OSBPL11: variants seen among roughly 807,000 people sequenced by gnomAD.
The protein encoded by OSBPL11 is oxysterol-binding protein-related protein 11.
In OSBPL11, 33 loss-of-function variants were observed where a neutral mutation model predicts 84.4. The ratio of observed to expected loss-of-function variants is 0.39; its 90% CI spans 0.30 to 0.52. The LOEUF is 0.52. OSBPL11 is among the 20% of genes least tolerant of loss of function. The pLI, the probability that OSBPL11 is intolerant of heterozygous loss-of-function variation, is 0.72. For synonymous variants in OSBPL11, 276 were observed against 310.2 expected (o/e 0.89, Z 1.16); for missense variants, 736 against 901.1 (o/e 0.82, Z 2.35).
intron 1 of OSBPL11, among the ~76,000 whole-genome samples, chr3:125,592,892 TAAAAC>T (rs1180725723): frequency 6.6e-6 from 1 of 151,806 alleles, no homozygotes; most frequent in Non-Finnish European, 1.5e-5. Context: ...ACATAAGCAC[TAAAAC>T]AAAACTCCTA....
chr3:125,594,990 G>A lies in OSBPL11; in HGVS notation c.-190C>T, dbSNP rs1433428188. The A allele has an allele frequency of 1.7e-6, 1 of 586,824 alleles. No homozygotes were observed. The highest frequency in any genetic ancestry group is 3.0e-5 in the Admixed American group (1 of 33,010). 36.4% of individuals were successfully genotyped at this position (586,824 alleles called of 1,614,324 possible). On this transcript the variant is annotated 5_prime_UTR_variant, in exon 1 of 13. Transcript: ENST00000296220. ...ATTCCCACAGAAGTTAAACTTTTGA[G>A]AGGGCAGGGGAAGCAACGAGGACAG...
chr3:125,557,778 C>T (rs1392928322), intron 8 of OSBPL11, among the ~76,000 whole-genome samples: 1 of 145,144 alleles, frequency 6.9e-6, no homozygotes. Flanking sequence ...ATATGTGTAA[C>T]ACATACAACT....
intron 10 of OSBPL11, among the ~76,000 whole-genome samples, chr3:125,543,458 T>C (rs527676273): frequency 1.3e-5 from 2 of 152,266 alleles, no homozygotes; most frequent in Admixed American, 1.3e-4. Flanking sequence ...ATAATATTTA[T>C]TAAAACACGT....
chr3:125,551,710 G>A (rs973964484), intron 9 of OSBPL11, among the ~76,000 whole-genome samples: 4 of 151,932 alleles, frequency 2.6e-5, no homozygotes, highest in Non-Finnish European at 5.9e-5. Flanking sequence ...CCTGGGAGGC[G>A]GAGTTTGCAG....
At chr3:125,569,954 A>G (rs1444257841) in intron 5 of OSBPL11, among the ~76,000 whole-genome samples, 1 of 152,062 alleles carries the variant, frequency 6.6e-6, no homozygotes, top group Non-Finnish European at 1.5e-5. Flanking sequence ...GTAACATTTA[A>G]CTTCTTAATC....
intron 5 of OSBPL11, among the ~76,000 whole-genome samples, chr3:125,574,272 A>G (rs200405074): frequency 6.8e-6 from 1 of 148,038 alleles, no homozygotes; most frequent in African/African-American, 2.5e-5. Flanking sequence ...ACTCACAGGA[A>G]AAAAAAAAAA....
intron 10 of OSBPL11, among the ~76,000 whole-genome samples, chr3:125,540,328 CAAAAA>C (rs201858368): frequency 0.032 from 2,731 of 84,114 alleles, 16 homozygotes; most frequent in African/African-American, 0.067. Context: ...GGCTCTGTCT[CAAAAA>C]AAAAAAAAAA....
At chr3:125,572,501 T>G (rs1025073507) in intron 5 of OSBPL11, among the ~76,000 whole-genome samples, 2 of 152,158 alleles carry the variant, frequency 1.3e-5, no homozygotes, top group Non-Finnish European at 2.9e-5. Context: ...TCCCACATGT[T>G]GTAGGAGGGA....
At chr3:125,541,587 T>A (rs1187761483) in intron 10 of OSBPL11, among the ~76,000 whole-genome samples, 1 of 151,968 alleles carries the variant, frequency 6.6e-6, no homozygotes, top group Non-Finnish European at 1.5e-5. Context: ...TTCTGTATTA[T>A]TTTTTTTGGA....
chr3:125,538,352 C>T, intron 11 of OSBPL11, 99 bp downstream of exon 11: 1 of 1,082,902 alleles, frequency 9.2e-7, no homozygotes, highest in Non-Finnish European at 1.3e-6. Context: ...CTGATGCAAC[C>T]TGTGAAGTGA....
chr3:125,585,524 A>G (rs1559848496), intron 1 of OSBPL11, among the ~76,000 whole-genome samples: 1 of 133,048 alleles, frequency 7.5e-6, no homozygotes, highest in African/African-American at 3.2e-5. Flanking sequence ...ATATCTAAAG[A>G]GTTAGCTTTC....
At chr3:125,573,929 T>C (rs1045375095) in intron 5 of OSBPL11, among the ~76,000 whole-genome samples, 5 of 141,640 alleles carry the variant, frequency 3.5e-5, no homozygotes, top group Non-Finnish European at 7.7e-5. Context: ...TGCTACCTAA[T>C]CTAACACTAA....
intron 1 of OSBPL11, among the ~76,000 whole-genome samples, chr3:125,584,958 G>A (rs1936483925): frequency 6.6e-6 from 1 of 151,954 alleles, no homozygotes; most frequent in Admixed American, 6.6e-5. Flanking sequence ...AATTATTTTT[G>A]TGGGGATGGG....
intron 4 of OSBPL11, among the ~76,000 whole-genome samples, chr3:125,578,407 T>C (rs181664887): frequency 4.0e-4 from 61 of 152,270 alleles, no homozygotes; most frequent in African/African-American, 1.4e-3. Flanking sequence ...CTCCGGATTT[T>C]TTATTTTTTT....
intron 4 of OSBPL11, among the ~76,000 whole-genome samples, chr3:125,577,313 C>G (rs6771553): frequency 0.029 from 4,449 of 152,166 alleles, 189 homozygotes; most frequent in African/African-American, 0.098. Flanking sequence ...CCTCAGATTT[C>G]AAGTAATGAG....
chr3:125,565,390 A>G (rs972610107), intron 6 of OSBPL11, among the ~76,000 whole-genome samples: 4 of 152,218 alleles, frequency 2.6e-5, no homozygotes, highest in African/African-American at 9.6e-5. Context: ...AACTCATCCA[A>G]TGTTCAACAC....
chr3:125,594,680 T>C lies in OSBPL11; in HGVS notation c.121A>G (p.Ser41Gly). 2 of 1,614,088 alleles carry C rather than the reference T, an allele frequency of 1.2e-6. No homozygotes were observed. Among genetic ancestry groups the C allele is most frequent in the Non-Finnish European group, 1.7e-6 (2 of 1,180,036 alleles). The change falls in exon 1 of 13, where the codon AGC becomes GGC. Residue 41 changes from serine to glycine, a missense_variant. By Grantham distance (56) the Ser-to-Gly change is moderately conservative. Around this residue, in one of 3 missense-constraint regions of OSBPL11, gnomAD observed 114 missense variants for 104.9 expected, o/e 1.09. Transcript: ENST00000296220. ...NSSCGGGISS[S>G]SSSRGGSAKG... ...GCACTGCCACCGCGGCTGCTGCTGC[T>C]GCTACTGATTCCACCTCCACAGCTG...
chr3:125,564,348 G>A (rs574994423), intron 6 of OSBPL11, among the ~76,000 whole-genome samples: 2 of 152,070 alleles, frequency 1.3e-5, no homozygotes, highest in South Asian at 2.1e-4. Context: ...GTCCTTTTTC[G>A]AAATCATTTT....
chr3:125,552,822 A>G, intron 8 of OSBPL11, 143 bp from the exon 9 acceptor site: 1 of 1,086,652 alleles, frequency 9.2e-7, no homozygotes, highest in Non-Finnish European at 1.3e-6. Flanking sequence ...TCACATTAAA[A>G]AATAAGCATT....
Sources: allele counts gnomAD v4.1 joint callset (sites outside exome capture counted in the v4.1 genomes callset), GRCh38; gene constraint gnomAD v4.1.1; regional missense constraint gnomAD v4.1.1; transcripts MANE v1.5; gene names NCBI Gene and HGNC (gene_info 2026-07-23, HGNC 2026-07-21).